KLHL29: variants seen among roughly 807,000 people sequenced by gnomAD.
KLHL29 encodes the protein kelch like family member 29, also known as kelch-like protein 29.
In KLHL29, 21 loss-of-function variants were observed where a neutral mutation model predicts 80.4. The observed-to-expected ratio is 0.26, with a 90% CI of 0.19 to 0.38. The LOEUF is 0.38. KLHL29 is among the 10% of genes least tolerant of loss of function. KLHL29 has a pLI of 1.00. For synonymous variants in KLHL29, 511 were observed against 526.8 expected (o/e 0.97, Z 0.41); for missense variants, 867 against 1,223.9 (o/e 0.71, Z 4.35).
intron 6 of KLHL29, chr2:23,691,469 T>A (rs1671596589): frequency 1.7e-6 from 1 of 597,228 alleles, no homozygotes; most frequent in South Asian, 2.0e-5. Flanking sequence ...ATAAGCAGGG[T>A]TTTCTGTTCT....
chr2:23,558,649 C>A (rs1050506772), intron 2 of KLHL29, among the ~76,000 whole-genome samples: 14 of 152,184 alleles, frequency 9.2e-5, no homozygotes, highest in Non-Finnish European at 1.5e-4. Context: ...AGTGATCCTC[C>A]CACCTTGGCC....
chr2:23,621,284 C>T (rs1051936462), intron 3 of KLHL29, among the ~76,000 whole-genome samples: 1 of 152,324 alleles, frequency 6.6e-6, no homozygotes, highest in East Asian at 1.9e-4. Flanking sequence ...GAAGCCCAGC[C>T]GGACTAAGAC....
intron 1 of KLHL29, among the ~76,000 whole-genome samples, chr2:23,429,785 T>G (rs1572505910): frequency 2.0e-5 from 3 of 152,000 alleles, no homozygotes; most frequent in Admixed American, 1.3e-4. Context: ...AAAAAAAATT[T>G]GGGAAACAGA....
At chr2:23,574,446 G>C (rs547693176) in intron 3 of KLHL29, among the ~76,000 whole-genome samples, 62 of 152,164 alleles carry the variant, frequency 4.1e-4, no homozygotes, top group Non-Finnish European at 6.5e-4. Context: ...GGCTGTTGTG[G>C]GGTCTAAATG....
chr2:23,583,509 G>C (rs1309043629), intron 3 of KLHL29, among the ~76,000 whole-genome samples: 2 of 152,164 alleles, frequency 1.3e-5, no homozygotes, highest in Admixed American at 6.5e-5. Context: ...ATTTGGAAAA[G>C]TTTCAAAGGG....
At chr2:23,409,809 A>C (rs1443390912) in intron 1 of KLHL29, among the ~76,000 whole-genome samples, 1 of 152,226 alleles carries the variant, frequency 6.6e-6, no homozygotes, top group African/African-American at 2.4e-5. Context: ...GGCAATAAAC[A>C]CTATGAAGGA....
chr2:23,437,756 T>G (rs1663384880), intron 1 of KLHL29, among the ~76,000 whole-genome samples: 1 of 152,218 alleles, frequency 6.6e-6, no homozygotes, highest in South Asian at 2.1e-4. Context: ...TGTCTCCAGC[T>G]TTGTTCTTTT....
intron 2 of KLHL29, among the ~76,000 whole-genome samples, chr2:23,536,935 CT>C (rs1018599714): frequency 6.6e-6 from 1 of 150,500 alleles, no homozygotes; most frequent in Admixed American, 6.6e-5. Context: ...CTCTCCCTCT[CT>C]CGCTCTCTCT....
chr2:23,387,987 T>C (rs1197927520), intron 1 of KLHL29, among the ~76,000 whole-genome samples: 3 of 152,204 alleles, frequency 2.0e-5, no homozygotes, highest in African/African-American at 4.8e-5. Flanking sequence ...TTATGGAAAT[T>C]TATAGGTCTC....
chr2:23,444,136 C>T (rs1424374106), intron 1 of KLHL29, among the ~76,000 whole-genome samples: 1 of 152,052 alleles, frequency 6.6e-6, no homozygotes, highest in Non-Finnish European at 1.5e-5. Flanking sequence ...TCTAAAGAAT[C>T]CTGGTTCTTT....
At chr2:23,487,448 T>C (rs569915970) in intron 2 of KLHL29, among the ~76,000 whole-genome samples, 5 of 152,296 alleles carry the variant, frequency 3.3e-5, no homozygotes, top group Admixed American at 6.5e-5. Context: ...CTATACCCCC[T>C]GGAAGTACTC....
intron 3 of KLHL29, among the ~76,000 whole-genome samples, chr2:23,605,439 C>G (rs1668684674): frequency 6.6e-6 from 1 of 152,102 alleles, no homozygotes; most frequent in African/African-American, 2.4e-5. Context: ...GCTCTTGTAT[C>G]ACAGCTGAAG....
At chr2:23,508,026 G>T (rs72784266) in intron 2 of KLHL29, among the ~76,000 whole-genome samples, 2,993 of 152,322 alleles carry the variant, frequency 0.02, 36 homozygotes, top group Non-Finnish European at 0.025. Context: ...ACGGCTCCTG[G>T]TTCACGCATG....
At chr2:23,447,167 C>T (rs17045345) in intron 1 of KLHL29, among the ~76,000 whole-genome samples, 16,848 of 152,170 alleles carry the variant, frequency 0.11, 1,888 homozygotes, top group East Asian at 0.28. Context: ...TGGTGGCCAT[C>T]GTGGACGTGT....
intron 5 of KLHL29, among the ~76,000 whole-genome samples, chr2:23,651,603 A>G (rs1670089315): frequency 6.6e-6 from 1 of 152,192 alleles, no homozygotes; most frequent in Non-Finnish European, 1.5e-5. Context: ...GCCCAGGGAG[A>G]GGGATTGTCA....
In KLHL29 at chr2:23,539,133, C is replaced by T. The variant is rs531198843; in HGVS notation, c.-45-23019C>T. On this transcript the variant is annotated intron_variant, in intron 2 of 13. Coordinates refer to ENST00000486442, the MANE Select transcript of KLHL29 (RefSeq NM_052920.2). ...ATTTTATATCCACGCTTAGAAAGCA[C>T]GGCAGCCACCCAGGGCTGATGAGTG... Among the ~76,000 whole-genome samples the T allele has an allele frequency of 4.6e-5, 7 of 152,252 alleles. 1 individual carries two copies. The South Asian group carries it at 1.0e-3, about 23-fold the overall frequency.
intron 2 of KLHL29, among the ~76,000 whole-genome samples, chr2:23,521,270 C>G (rs978165849): frequency 6.6e-6 from 1 of 152,110 alleles, no homozygotes; most frequent in African/African-American, 2.4e-5. Flanking sequence ...GTGGCCCAAG[C>G]CCTCCTAGCC....
intron 2 of KLHL29, among the ~76,000 whole-genome samples, chr2:23,488,831 G>A (rs1344871685): frequency 6.6e-6 from 1 of 152,192 alleles, no homozygotes; most frequent in Non-Finnish European, 1.5e-5. Context: ...GGAATTGCCT[G>A]GGCATTCTGG....
chr2:23,386,235 G>A (rs1461007610), intron 1 of KLHL29, among the ~76,000 whole-genome samples: 1 of 152,148 alleles, frequency 6.6e-6, no homozygotes, highest in Non-Finnish European at 1.5e-5. Flanking sequence ...GCGGCCGCGC[G>A]CACTGTCCTT....
Sources: allele counts gnomAD v4.1 joint callset (sites outside exome capture counted in the v4.1 genomes callset), GRCh38; gene constraint gnomAD v4.1.1; transcripts MANE v1.5; gene names NCBI Gene and HGNC (gene_info 2026-07-23, HGNC 2026-07-21).